Variants in CXADR observed in about 807,000 individuals in gnomAD.
The protein encoded by CXADR is CXADR cell adhesion molecule.
A neutral mutation model predicts 40.3 loss-of-function variants in CXADR; 20 were observed. That is an observed-to-expected ratio of 0.50 (90% CI 0.35 to 0.72). The LOEUF is 0.72. CXADR is among the 30% of genes least tolerant of loss of function. The pLI, the probability that CXADR is intolerant of heterozygous loss-of-function variation, is 0.01. For synonymous variants in CXADR, 150 were observed against 161.3 expected (o/e 0.93, Z 0.53); for missense variants, 332 against 449.1 (o/e 0.74, Z 2.36).
exon 8 of CXADR, chr21:17,593,290 C>A: frequency 9.1e-7 from 1 of 1,104,712 alleles, no homozygotes; most frequent in Non-Finnish European, 1.2e-6. Flanking sequence ...GCACAAGGCA[C>A]AGAGATTAGA....
chr21:17,597,819 T>A (rs1457954150), downstream of CXADR, among the ~76,000 whole-genome samples: 2 of 152,182 alleles, frequency 1.3e-5, no homozygotes, highest in Non-Finnish European at 2.9e-5. Flanking sequence ...TTTATCATAC[T>A]AAAAGCTCCA....
chr21:17,606,636 G>C, the CXADR span, among the ~76,000 whole-genome samples: 1 of 152,088 alleles, frequency 6.6e-6, no homozygotes, highest in Non-Finnish European at 1.5e-5. Flanking sequence ...TGCTTAAACA[G>C]AGACTATGCT....
At chr21:17,528,281 G>T (rs1490845910) in intron 1 of CXADR, among the ~76,000 whole-genome samples, 1 of 151,686 alleles carries the variant, frequency 6.6e-6, no homozygotes, top group African/African-American at 2.4e-5. Context: ...TCACCATGTT[G>T]TCCAGGATGG....
the CXADR span, among the ~76,000 whole-genome samples, chr21:17,619,249 A>G: frequency 1.3e-5 from 2 of 152,150 alleles, no homozygotes; most frequent in African/African-American, 4.8e-5. Context: ...GCTGGGCGCA[A>G]TGCCTCAAGC....
Position 17,569,060 on chromosome 21 carries a change from T to G in CXADR, c.*3368T>G. 1.0e-6 allele frequency: 1 copy of G among 985,452 alleles called. No homozygotes were observed. The highest frequency in any genetic ancestry group is 1.2e-6 in the Non-Finnish European group (1 of 829,940). The allele number at this position is 985,452 out of a possible 1,614,324, so 61.0% of individuals were successfully genotyped here. ...CAAGTAAAGGGGCAAGTAAACCTTT[T>G]GATGAAATATAAAAGGAACTCATTG... On this transcript the variant is annotated 3_prime_UTR_variant, in exon 7 of 7. Coordinates refer to ENST00000284878, the MANE Select transcript of CXADR (RefSeq NM_001338.5).
chr21:17,575,657 AT>A lies in CXADR; in HGVS notation c.1017+10055del, dbSNP rs796961102. On this transcript the variant is annotated intron_variant, in intron 7 of 7. Transcript: ENST00000400169. Reference sequence around the variant, plus strand: ...AGGTGTCCACTACCAAGCCCAGCTAATTTTTTTTTATATTTTTAGTAGAGAC... The same window carrying A: ...AGGTGTCCACTACCAAGCCCAGCTAATTTTTTTTATATTTTTAGTAGAGAC... 2.7e-5 allele frequency among the ~76,000 whole-genome samples: 4 copies of A among 150,346 alleles called. No homozygotes were observed. In the East Asian group the frequency reaches 6.0e-4, roughly 23 times the overall value.
intron 2 of CXADR, 41 bp from the exon 3 acceptor site, chr21:17,551,708 G>C (rs778649011): frequency 5.2e-6 from 8 of 1,544,978 alleles, no homozygotes; most frequent in Non-Finnish European, 1.8e-6. Context: ...TTTTTTGTGT[G>C]TGTTTGTTTT....
At chr21:17,578,811 A>G (rs1352347668) in intron 7 of CXADR, among the ~76,000 whole-genome samples, 1 of 152,128 alleles carries the variant, frequency 6.6e-6, no homozygotes, top group Non-Finnish European at 1.5e-5. Flanking sequence ...GACAGAGCAA[A>G]AGACCTTGTC....
At chr21:17,601,045 C>A in the CXADR span, among the ~76,000 whole-genome samples, 1 of 152,120 alleles carries the variant, frequency 6.6e-6, no homozygotes, top group Non-Finnish European at 1.5e-5. Flanking sequence ...CGCCTGTAAT[C>A]CCAGCTACTC....
At chr21:17,579,256 C>T (rs935313470) in intron 7 of CXADR, among the ~76,000 whole-genome samples, 14 of 151,356 alleles carry the variant, frequency 9.2e-5, no homozygotes, top group African/African-American at 2.7e-4. Flanking sequence ...TGTTATTAGA[C>T]GGTCTTACTT....
At chr21:17,605,197 C>T in the CXADR span, 1 of 530,702 alleles carries the variant, frequency 1.9e-6, no homozygotes, top group Admixed American at 3.5e-5. Flanking sequence ...AAGATGGCAC[C>T]TATGTGAGCC....
chr21:17,518,030 A>G (rs184543540), intron 1 of CXADR, among the ~76,000 whole-genome samples: 13 of 152,356 alleles, frequency 8.5e-5, no homozygotes, highest in Non-Finnish European at 1.6e-4. Context: ...AACCAAGCAG[A>G]TTAAAATCAA....
intron 1 of CXADR, chr21:17,530,453 G>C (rs7282373): frequency 0.016 from 7,123 of 454,430 alleles, 428 homozygotes; most frequent in African/African-American, 0.13. Flanking sequence ...TTATGTGACT[G>C]TATCACAATT....
the CXADR span, among the ~76,000 whole-genome samples, chr21:17,633,865 G>T: frequency 2.1e-4 from 32 of 151,992 alleles, no homozygotes; most frequent in Non-Finnish European, 2.9e-4. Context: ...CAATAATCTG[G>T]CCCTTCTTTG....
At chr21:17,530,193 C>T (rs2060654761) in intron 1 of CXADR, among the ~76,000 whole-genome samples, 1 of 145,766 alleles carries the variant, frequency 6.9e-6, no homozygotes, top group African/African-American at 2.5e-5. Context: ...AACTCTTGAC[C>T]TCAAGTGATC....
At chr21:17,515,332 C>T (rs943170149) in intron 1 of CXADR, among the ~76,000 whole-genome samples, 2 of 152,080 alleles carry the variant, frequency 1.3e-5, no homozygotes, top group African/African-American at 4.8e-5. Flanking sequence ...GTCATAGTCC[C>T]AGCTACGCGG....
rs567814967 is a variant in CXADR, at chr21:17,538,649, A to G, written c.44-8378A>G. Reference sequence around the variant, plus strand: ...AACGAGACTGCAACTCCACTGGGAAAATAAAAATAAAAATAAAATTAGTGG... The same window carrying G: ...AACGAGACTGCAACTCCACTGGGAAGATAAAAATAAAAATAAAATTAGTGG... On this transcript the variant is annotated intron_variant, in intron 1 of 6. Transcript: ENST00000284878. Among the ~76,000 whole-genome samples the G allele has an allele frequency of 1.0e-3, 152 of 151,966 alleles. 2 individuals are homozygous for G. Among genetic ancestry groups the G allele is most frequent in the South Asian group, 7.5e-3 (36 of 4,788 alleles).
Position 17,567,567 on chromosome 21 carries a change from C to A in CXADR, c.*1875C>A, listed in dbSNP as rs998058393. On this transcript the variant is annotated 3_prime_UTR_variant, in exon 7 of 7. Transcript: ENST00000284878. ...TTTTCAAGCTTGCCTCTTTTCTGTT[C>A]TTTGTGGATATAACTTAAGCAATTG... The A allele has an allele frequency of 7.8e-5, 77 of 984,984 alleles. 1 individual carries two copies. Among genetic ancestry groups the A allele is most frequent in the Non-Finnish European group, 9.2e-5 (76 of 829,686 alleles). The allele number at this position is 984,984 out of a possible 1,614,324, so 61.0% of individuals were successfully genotyped here.
At chr21:17,624,072 T>C in the CXADR span, among the ~76,000 whole-genome samples, 1 of 152,018 alleles carries the variant, frequency 6.6e-6, no homozygotes, top group Non-Finnish European at 1.5e-5. Flanking sequence ...CAAACCCCCA[T>C]AGGCTCCCCA....
Sources: gnomAD v4.1 joint callset for allele counts (sites outside exome capture counted in the v4.1 genomes callset) on GRCh38, gnomAD v4.1.1 for gene constraint, MANE v1.5 for transcripts, NCBI Gene and HGNC (gene_info 2026-07-23, HGNC 2026-07-21) for gene names.